Variants in MROH9 observed in about 807,000 individuals in gnomAD.
The protein encoded by MROH9 is maestro heat like repeat family member 9, also known as maestro heat-like repeat-containing protein family member 9.
A neutral mutation model predicts 98.2 loss-of-function variants in MROH9; 92 were observed. The ratio of observed to expected loss-of-function variants is 0.94; its 90% CI spans 0.79 to 1.11. The LOEUF (loss-of-function observed/expected upper bound fraction) is 1.11. MROH9 is among the 50% of genes most tolerant of loss of function. MROH9 has a pLI of 0.00. For missense variants in MROH9, 1,057 were observed against 1,014.8 expected (o/e 1.04, Z -0.57); for synonymous variants, 397 against 368.9 (o/e 1.08, Z -0.87).
chr1:171,062,146 T>G lies in MROH9; in HGVS notation c.2296T>G (p.Ser766Ala). Residue 766 changes from serine to alanine, a missense_variant, in exon 21 of 22, where the codon TCA becomes GCA. Transcript: ENST00000367759. ...TATGTGCATAGGATATTTGGCAAAA[T>G]CAGGTGGTCATTTACTGCTTAGAGA... ...SVILIGYLAK[S>A]GGHLLLRDEI... 1.9e-6 allele frequency: 3 copies of G among 1,549,208 alleles called. No individual in the cohort carries two copies. Among genetic ancestry groups the G allele is most frequent in the Non-Finnish European group, 2.6e-6 (3 of 1,144,916 alleles).
chr1:170,972,361 T>G (rs955593605), intron 8 of MROH9, among the ~76,000 whole-genome samples: 1 of 152,216 alleles, frequency 6.6e-6, no homozygotes, highest in African/African-American at 2.4e-5. Flanking sequence ...CCAAGTAATT[T>G]AATTGCATTT....
At chr1:171,022,978 A>T (rs1312987112) in intron 17 of MROH9, among the ~76,000 whole-genome samples, 1 of 152,194 alleles carries the variant, frequency 6.6e-6, no homozygotes, top group African/African-American at 2.4e-5. Flanking sequence ...AAAAAAATCA[A>T]TATGAGATTA....
intron 6 of MROH9, among the ~76,000 whole-genome samples, chr1:170,962,807 C>A (rs1213206500): frequency 6.6e-6 from 1 of 151,960 alleles, no homozygotes; most frequent in African/African-American, 2.4e-5. Context: ...CCCTTCCTTA[C>A]ACCATATACA....
intron 1 of MROH9, among the ~76,000 whole-genome samples, chr1:170,939,354 G>A (rs1437376367): frequency 6.6e-6 from 1 of 152,212 alleles, no homozygotes. Context: ...TGCACTGCTT[G>A]GGGTTTTGCC....
chr1:170,939,713 G>T (rs1380237856), intron 1 of MROH9, among the ~76,000 whole-genome samples: 2 of 152,108 alleles, frequency 1.3e-5, no homozygotes, highest in Non-Finnish European at 2.9e-5. Flanking sequence ...TGGCTTGGTG[G>T]GTTGGATAAC....
intron 8 of MROH9, among the ~76,000 whole-genome samples, chr1:170,977,752 G>T (rs183041510): frequency 2.6e-5 from 4 of 152,124 alleles, no homozygotes; most frequent in African/African-American, 4.8e-5. Context: ...TCCCCAACTC[G>T]GAGGCAGCAG....
At chr1:170,995,876 A>G (rs1465596948) in intron 13 of MROH9, among the ~76,000 whole-genome samples, 2 of 152,154 alleles carry the variant, frequency 1.3e-5, no homozygotes, top group African/African-American at 4.8e-5. Flanking sequence ...TCTGCCATTT[A>G]CTTACTTTCT....
intron 1 of MROH9, among the ~76,000 whole-genome samples, chr1:170,943,096 T>C (rs1332823759): frequency 6.6e-6 from 1 of 152,034 alleles, no homozygotes. Flanking sequence ...ATACAGGATC[T>C]AAACAAATTT....
chr1:171,042,772 T>C (rs1342170444), intron 20 of MROH9, among the ~76,000 whole-genome samples: 1 of 152,158 alleles, frequency 6.6e-6, no homozygotes, highest in Non-Finnish European at 1.5e-5. Context: ...CTGTTTGCCA[T>C]TTGTATGTCT....
At chr1:170,975,029 G>T (rs1650625194) in intron 8 of MROH9, among the ~76,000 whole-genome samples, 1 of 151,412 alleles carries the variant, frequency 6.6e-6, no homozygotes. Context: ...AGCTAAAATG[G>T]AATCATAGAA....
At chr1:170,993,172 T>G (rs911114581) in intron 12 of MROH9, among the ~76,000 whole-genome samples, 1 of 152,210 alleles carries the variant, frequency 6.6e-6, no homozygotes, top group African/African-American at 2.4e-5. Flanking sequence ...TAATGACAGG[T>G]TTGGAATTAG....
At chr1:171,018,768 C>T (rs1474370414) in intron 17 of MROH9, among the ~76,000 whole-genome samples, 1 of 152,134 alleles carries the variant, frequency 6.6e-6, no homozygotes, top group African/African-American at 2.4e-5. Context: ...ACACAAGTAT[C>T]AATAGCTGAA....
intron 20 of MROH9, among the ~76,000 whole-genome samples, chr1:171,033,498 G>T (rs1014455542): frequency 6.6e-6 from 1 of 152,126 alleles, no homozygotes; most frequent in African/African-American, 2.4e-5. Context: ...CTTGGCTTTG[G>T]GGGAGGGGCT....
At chr1:170,974,862 G>C (rs1013919645) in intron 8 of MROH9, among the ~76,000 whole-genome samples, 3 of 151,736 alleles carry the variant, frequency 2.0e-5, no homozygotes, top group African/African-American at 7.3e-5. Context: ...AACTTAAAGG[G>C]AAAAATGTAT....
In MROH9 at chr1:170,955,852, G is replaced by A. The variant is rs184618746; in HGVS notation, c.73-2609G>A. Among the ~76,000 whole-genome samples the A allele has an allele frequency of 2.5e-3, 383 of 152,204 alleles. 2 individuals are homozygous for A. The highest frequency in any genetic ancestry group is 0.01 in the Middle Eastern group (3 of 294). Reference sequence around the variant, plus strand: ...CCAGCTATTTATCTTTGTTTTTATTGCATTTGCTTTTGGGTTCTTGGTCAT... The same window carrying A: ...CCAGCTATTTATCTTTGTTTTTATTACATTTGCTTTTGGGTTCTTGGTCAT... On this transcript the variant is annotated intron_variant, in intron 3 of 21. Transcript: ENST00000367759.
rs1201330671 is a variant in MROH9 at position 171,014,142 on chromosome 1, CT to C, written c.1625del (p.Leu542TyrfsTer10). The C allele has an allele frequency of 6.4e-7, 1 of 1,550,854 alleles. No individual in the cohort carries two copies. Among genetic ancestry groups the C allele is most frequent in the Non-Finnish European group, 8.7e-7 (1 of 1,146,600 alleles). Reference protein sequence around the residue: ...TELLNNFFKDPLPEEFLVLFI... With the variant: ...TELLNNFFKDXLPEEFLVLFI... ...CTTCTGAATAACTTCTTCAAGGACC[CT>C]TTACCAGAAGAATTTTTGGTCCTCT... On this transcript the variant is annotated frameshift_variant, in exon 16 of 22. Transcript: ENST00000367759. LOFTEE classifies it high-confidence loss of function.
intron 6 of MROH9, among the ~76,000 whole-genome samples, chr1:170,963,493 G>A (rs1321498370): frequency 6.6e-6 from 1 of 152,042 alleles, no homozygotes; most frequent in African/African-American, 2.4e-5. Flanking sequence ...AATATATCCA[G>A]AGGAATATAA....
chr1:170,953,728 G>GAAAGAAAAGAAAAGAAAAGA (rs3980711), intron 3 of MROH9, among the ~76,000 whole-genome samples: 28 of 141,968 alleles, frequency 2.0e-4, no homozygotes, highest in African/African-American at 6.9e-4. Flanking sequence ...GTAGATTAGG[G>GAAAGAAAAGAAAAGAAAAGA]AAAGAAAAGA....
chr1:171,026,954 C>G (rs1652733858), intron 20 of MROH9, among the ~76,000 whole-genome samples: 1 of 151,948 alleles, frequency 6.6e-6, no homozygotes, highest in African/African-American at 2.4e-5. Flanking sequence ...CGTATATCAC[C>G]AAAAATGAAA....
Sources: allele counts gnomAD v4.1 joint callset (sites outside exome capture counted in the v4.1 genomes callset), GRCh38; gene constraint gnomAD v4.1.1; transcripts MANE v1.5; gene names NCBI Gene and HGNC (gene_info 2026-07-23, HGNC 2026-07-21).